ARL8B: variants seen among roughly 807,000 people sequenced by gnomAD.
ARL8B encodes the protein ARF like GTPase 8B.
Under a neutral mutation model 30.6 loss-of-function variants are expected in ARL8B, and 9 were observed. That is an observed-to-expected ratio of 0.29 (90% CI 0.18 to 0.51). ARL8B has a LOEUF of 0.51. ARL8B is among the 20% of genes least tolerant of loss of function. ARL8B has a pLI of 0.97. For missense variants in ARL8B, 130 were observed against 227.2 expected (o/e 0.57, Z 2.75); for synonymous variants, 74 against 76.0 (o/e 0.97, Z 0.14).
chr3:5,163,361 A>G (rs900560508), intron 1 of ARL8B, among the ~76,000 whole-genome samples: 2 of 152,158 alleles, frequency 1.3e-5, no homozygotes, highest in Non-Finnish European at 2.9e-5. Context: ...ATCTTTTAAC[A>G]TGTACTTTTT....
chr3:5,122,331 C>T lies in ARL8B; in HGVS notation c.-135C>T, dbSNP rs563298291. The T allele has an allele frequency of 7.2e-6, 11 of 1,532,172 alleles. No individual in the cohort carries two copies. Among genetic ancestry groups the T allele is most frequent in the Non-Finnish European group, 9.6e-6 (11 of 1,140,790 alleles). 94.9% of individuals were successfully genotyped at this position (1,532,172 alleles called of 1,614,324 possible). On this transcript the variant is annotated 5_prime_UTR_variant, in exon 1 of 7. Coordinates refer to ENST00000256496, the MANE Select transcript of ARL8B (RefSeq NM_018184.3). ...GCTTCCTGGGTCTGGCTGCTGCCGC[C>T]CGCCGGTGTCCGCCCGTGTCGCGCC...
chr3:5,137,776 G>T (rs970103758), intron 1 of ARL8B, among the ~76,000 whole-genome samples: 1 of 151,616 alleles, frequency 6.6e-6, no homozygotes, highest in Admixed American at 6.6e-5. Context: ...TTTTTGTGGC[G>T]ACAGGATCTC....
Position 5,122,315 on chromosome 3 carries a change from G to A in ARL8B, c.-151G>A, listed in dbSNP as rs1462370961. 7.9e-6 allele frequency: 12 copies of A among 1,519,370 alleles called. No homozygotes were observed. The highest frequency in any genetic ancestry group is 1.2e-5 in the South Asian group (1 of 82,680). 94.1% of individuals were successfully genotyped at this position (1,519,370 alleles called of 1,614,324 possible). ...TCATATGATCCGCTCGGCTTCCTGG[G>A]TCTGGCTGCTGCCGCCCGCCGGTGT... On this transcript the variant is annotated 5_prime_UTR_variant, in exon 1 of 7. Coordinates refer to ENST00000256496, the MANE Select transcript of ARL8B (RefSeq NM_018184.3).
chr3:5,154,018 G>GTC (rs1188400460), intron 1 of ARL8B, among the ~76,000 whole-genome samples: 3 of 151,560 alleles, frequency 2.0e-5, no homozygotes, highest in Non-Finnish European at 4.4e-5. Flanking sequence ...ATTCTCTAAT[G>GTC]TCATGCATCA....
chr3:5,136,625 AC>A (rs1166836254), intron 1 of ARL8B, among the ~76,000 whole-genome samples: 1 of 152,202 alleles, frequency 6.6e-6, no homozygotes, highest in African/African-American at 2.4e-5. Context: ...AGGAACACTT[AC>A]AAATTTTAGT....
At chr3:5,135,976 C>T (rs1440802097) in intron 1 of ARL8B, among the ~76,000 whole-genome samples, 5 of 151,050 alleles carry the variant, frequency 3.3e-5, no homozygotes, top group South Asian at 2.1e-4. Context: ...TTAGTAGAGA[C>T]GGGGTTTCAC....
chr3:5,166,184 C>T (rs911567244), intron 1 of ARL8B, among the ~76,000 whole-genome samples: 1 of 151,586 alleles, frequency 6.6e-6, no homozygotes, highest in African/African-American at 2.4e-5. Flanking sequence ...GGATTACAGG[C>T]ACGCGCCACC....
chr3:5,160,413 C>G (rs2054570729), intron 1 of ARL8B, among the ~76,000 whole-genome samples: 1 of 152,120 alleles, frequency 6.6e-6, no homozygotes, highest in South Asian at 2.1e-4. Context: ...GTAGAGTGAT[C>G]ATATGAAATA....
At chr3:5,149,868 C>A (rs1461588299) in intron 1 of ARL8B, among the ~76,000 whole-genome samples, 1 of 152,202 alleles carries the variant, frequency 6.6e-6, no homozygotes, top group Non-Finnish European at 1.5e-5. Flanking sequence ...CAATTTAGAC[C>A]ATTCAGCACA....
intron 1 of ARL8B, among the ~76,000 whole-genome samples, chr3:5,140,456 C>T (rs568206201): frequency 6.9e-4 from 105 of 152,206 alleles, no homozygotes; most frequent in African/African-American, 2.5e-3. Context: ...GCCTCCCCAG[C>T]CATGTGGAAC....
intron 1 of ARL8B, among the ~76,000 whole-genome samples, chr3:5,122,970 A>G (rs550272948): frequency 6.6e-6 from 1 of 152,316 alleles, no homozygotes; most frequent in East Asian, 1.9e-4. Flanking sequence ...ACTTTCCCAA[A>G]GGGTGGGATT....
chr3:5,165,265 G>T (rs898786139), intron 1 of ARL8B, among the ~76,000 whole-genome samples: 1 of 151,896 alleles, frequency 6.6e-6, no homozygotes, highest in African/African-American at 2.4e-5. Flanking sequence ...AAAAAAAATT[G>T]TTTGTAATTC....
At chr3:5,155,011 A>G (rs1293884673) in intron 1 of ARL8B, among the ~76,000 whole-genome samples, 1 of 152,264 alleles carries the variant, frequency 6.6e-6, no homozygotes, top group African/African-American at 2.4e-5. Context: ...CTGGGATTAC[A>G]GGCCTGAGCT....
intron 1 of ARL8B, among the ~76,000 whole-genome samples, chr3:5,123,153 G>C (rs1023648246): frequency 1.3e-5 from 2 of 152,180 alleles, no homozygotes; most frequent in Non-Finnish European, 2.9e-5. Flanking sequence ...CCGTCCCCCA[G>C]GCGCGGAGAC....
intron 1 of ARL8B, among the ~76,000 whole-genome samples, chr3:5,142,536 C>T (rs897318691): frequency 2.0e-5 from 3 of 152,128 alleles, no homozygotes; most frequent in Non-Finnish European, 2.9e-5. Context: ...CCGTAGCACA[C>T]GCATAGCAGT....
At chr3:5,173,302 C>G (rs1050067688) in intron 4 of ARL8B, among the ~76,000 whole-genome samples, 1 of 152,166 alleles carries the variant, frequency 6.6e-6, no homozygotes, top group Non-Finnish European at 1.5e-5. Context: ...AGGCCAGTCT[C>G]TAGAATACAT....
intron 1 of ARL8B, chr3:5,128,477 C>A (rs751421287): frequency 1.5e-5 from 7 of 454,742 alleles, no homozygotes; most frequent in Non-Finnish European, 3.1e-5. Context: ...ATCTTGAAAG[C>A]CAAATGTTCT....
In ARL8B at chr3:5,179,053, A is replaced by AT. The variant is rs1390356454; in HGVS notation, c.*345dup. On this transcript the variant is annotated 3_prime_UTR_variant, in exon 7 of 7. Transcript: ENST00000256496. ...TTCCATTCTGGTCTTTCTGGGCCAGATTTTTATATTGGTTTTCAGTAAATG... is the reference window on the plus strand; with the variant it reads ...TTCCATTCTGGTCTTTCTGGGCCAGATTTTTTATATTGGTTTTCAGTAAATG... The AT allele has an allele frequency of 5.4e-6, 1 of 183,634 alleles. No individual in the cohort carries two copies. Among genetic ancestry groups the AT allele is most frequent in the Non-Finnish European group, 1.1e-5 (1 of 88,658 alleles). The allele number at this position is 183,634 out of a possible 1,614,324, so 11.4% of individuals were successfully genotyped here. A position where few individuals can be genotyped will look rare whatever the true frequency, so the allele number is the denominator to read the frequency against.
intron 1 of ARL8B, chr3:5,157,893 C>T (rs1261739603): frequency 1.3e-5 from 2 of 152,062 alleles, no homozygotes; most frequent in East Asian, 3.8e-4. Flanking sequence ...AGAAAGAGCA[C>T]CAGATAGATT....
Sources: allele counts gnomAD v4.1 joint callset (sites outside exome capture counted in the v4.1 genomes callset), GRCh38; gene constraint gnomAD v4.1.1; transcripts MANE v1.5; gene names NCBI Gene and HGNC (gene_info 2026-07-23, HGNC 2026-07-21).